NEK1: variants seen among roughly 807,000 people sequenced by gnomAD.
NEK1 encodes NIMA related kinase 1, also known as serine/threonine-protein kinase Nek1.
A neutral mutation model predicts 182.1 loss-of-function variants in NEK1; 137 were observed. The ratio of observed to expected loss-of-function variants is 0.75; its 90% CI spans 0.65 to 0.87. NEK1 has a LOEUF of 0.87. Ranked by LOEUF, NEK1 falls within the 40% of genes least tolerant of loss-of-function variation. The pLI is 0.00. For synonymous variants in NEK1, 513 were observed against 492.2 expected (o/e 1.04, Z -0.56); for missense variants, 1,391 against 1,494.4 (o/e 0.93, Z 1.14).
intron 2 of NEK1, among the ~76,000 whole-genome samples, chr4:169,605,229 G>C (rs572801664): frequency 3.9e-5 from 6 of 152,226 alleles, no homozygotes; most frequent in African/African-American, 1.2e-4. Context: ...ACACTAATAA[G>C]ACAGAAGCTC....
chr4:169,605,043 AT>A (rs924467945), intron 2 of NEK1, among the ~76,000 whole-genome samples: 3 of 152,186 alleles, frequency 2.0e-5, no homozygotes, highest in Non-Finnish European at 4.4e-5. Context: ...ACAAAAAAAA[AT>A]CAAGATAAAC....
At chr4:169,556,906 A>T (rs1023026636) in intron 16 of NEK1, among the ~76,000 whole-genome samples, 7 of 152,176 alleles carry the variant, frequency 4.6e-5, no homozygotes, top group Non-Finnish European at 7.3e-5. Context: ...GGAAGGTGGA[A>T]GAGGAAGGAA....
At chr4:169,536,647 C>T (rs1476827319) in intron 19 of NEK1, among the ~76,000 whole-genome samples, 2 of 151,454 alleles carry the variant, frequency 1.3e-5, no homozygotes, top group Non-Finnish European at 2.9e-5. Context: ...AAAAAATTAC[C>T]AGATTCTCCA....
intron 12 of NEK1, among the ~76,000 whole-genome samples, chr4:169,566,259 C>A (rs954375545): frequency 6.6e-6 from 1 of 152,016 alleles, no homozygotes; most frequent in Non-Finnish European, 1.5e-5. Context: ...TACATAAAGG[C>A]CAAGATTGTA....
intron 31 of NEK1, among the ~76,000 whole-genome samples, chr4:169,421,264 C>G (rs1246772075): frequency 6.6e-6 from 1 of 152,040 alleles, no homozygotes; most frequent in Non-Finnish European, 1.5e-5. Context: ...CGTGATCAAA[C>G]AAAAAGGATA....
intron 2 of NEK1, among the ~76,000 whole-genome samples, chr4:169,604,595 T>C (rs964215381): frequency 1.3e-5 from 2 of 152,228 alleles, no homozygotes; most frequent in Non-Finnish European, 2.9e-5. Flanking sequence ...ATATTTCTCA[T>C]TGTAAATTAA....
At chr4:169,443,539 T>C (rs986790396) in intron 27 of NEK1, among the ~76,000 whole-genome samples, 1 of 151,784 alleles carries the variant, frequency 6.6e-6, no homozygotes, top group African/African-American at 2.4e-5. Flanking sequence ...AGAGAAATTG[T>C]AAAGTGCCCA....
At chr4:169,398,384 T>G (rs1297158425) in intron 35 of NEK1, among the ~76,000 whole-genome samples, 3 of 151,858 alleles carry the variant, frequency 2.0e-5, no homozygotes, top group Admixed American at 6.5e-5. Flanking sequence ...GGGATCCACA[T>G]GTTATTCAAG....
At chr4:169,417,733 T>C (rs1734785347) in intron 31 of NEK1, among the ~76,000 whole-genome samples, 1 of 152,082 alleles carries the variant, frequency 6.6e-6, no homozygotes, top group Non-Finnish European at 1.5e-5. Flanking sequence ...AGGAAACAAC[T>C]AGAAAACTGG....
At chr4:169,549,221 C>A (rs1012008036) in intron 18 of NEK1, among the ~76,000 whole-genome samples, 1 of 152,174 alleles carries the variant, frequency 6.6e-6, no homozygotes, top group African/African-American at 2.4e-5. Flanking sequence ...GGGAGTTCTC[C>A]AAACCCTGGT....
intron 19 of NEK1, among the ~76,000 whole-genome samples, chr4:169,528,799 A>G (rs1757263403): frequency 6.6e-6 from 1 of 152,198 alleles, no homozygotes; most frequent in African/African-American, 2.4e-5. Flanking sequence ...TATTCCACCC[A>G]ACAATAGCAG....
In NEK1 at chr4:169,576,915, A is replaced by G; in HGVS notation, c.1020+13T>C. 6.3e-7 allele frequency: 1 copy of G among 1,583,908 alleles called. No homozygotes were observed. Among genetic ancestry groups the G allele is most frequent in the South Asian group, 1.1e-5 (1 of 88,616 alleles). ...AATTTGTTATTAACACATGGTATGT[A>G]ACATGATCATACCTGTTTATGTTTT... On this transcript the variant is annotated intron_variant, in intron 12 of 35. Transcript: ENST00000507142.
chr4:169,511,277 C>G (rs780020963), intron 19 of NEK1, among the ~76,000 whole-genome samples: 6 of 151,980 alleles, frequency 3.9e-5, no homozygotes, highest in Non-Finnish European at 7.4e-5. Flanking sequence ...AGTATTTGAG[C>G]TTTTGAGATA....
chr4:169,400,567 T>C lies in NEK1; in HGVS notation c.3668A>G (p.Gln1223Arg). The C allele has an allele frequency of 6.2e-7, 1 of 1,608,882 alleles. No individual in the cohort carries two copies. Among genetic ancestry groups the C allele is most frequent in the Non-Finnish European group, 8.5e-7 (1 of 1,178,008 alleles). ...HLEELRLHLE[Q>R]EMGFEKFFEV... ...AAAGAATTTTTCAAAGCCCATTTCC[T>C]GCTCCAGATGAAGTCTCAGTTCCTC... The change falls in exon 34 of 36, where the codon CAG becomes CGG. Residue 1223 changes from glutamine to arginine, a missense_variant. Transcript: ENST00000507142.
At chr4:169,452,682 T>G (rs1353224979) in intron 27 of NEK1, among the ~76,000 whole-genome samples, 1 of 152,116 alleles carries the variant, frequency 6.6e-6, no homozygotes, top group Non-Finnish European at 1.5e-5. Context: ...TAAGAACTAT[T>G]TATGACAAAC....
chr4:169,402,099 CAGA>C (rs1206589982), intron 32 of NEK1, among the ~76,000 whole-genome samples: 5 of 152,106 alleles, frequency 3.3e-5, no homozygotes, highest in Non-Finnish European at 7.4e-5. Flanking sequence ...ATATATAAGC[CAGA>C]AGATGATTTG....
chr4:169,598,135 A>G (rs1335171891), intron 5 of NEK1, among the ~76,000 whole-genome samples: 1 of 152,176 alleles, frequency 6.6e-6, no homozygotes, highest in East Asian at 1.9e-4. Flanking sequence ...CAATACTTTT[A>G]TAATTCAAGT....
At chr4:169,536,439 C>T (rs1758519706) in intron 19 of NEK1, among the ~76,000 whole-genome samples, 1 of 151,142 alleles carries the variant, frequency 6.6e-6, no homozygotes, top group African/African-American at 2.4e-5. Context: ...TTGTCAGAAA[C>T]AGGGCAAGCC....
intron 31 of NEK1, among the ~76,000 whole-genome samples, chr4:169,424,268 G>A (rs1188016641): frequency 6.6e-6 from 1 of 152,122 alleles, no homozygotes; most frequent in East Asian, 1.9e-4. Context: ...TGGAAGTCAG[G>A]TTGGGTAGTG....
Sources: allele counts gnomAD v4.1 joint callset (sites outside exome capture counted in the v4.1 genomes callset), GRCh38; gene constraint gnomAD v4.1.1; transcripts MANE v1.5; gene names NCBI Gene and HGNC (gene_info 2026-07-23, HGNC 2026-07-21).